The following STX8 variants were observed in gnomAD, a reference collection of about 807,000 sequenced individuals.
The protein encoded by STX8 is syntaxin 8.
Under a neutral mutation model 37.5 loss-of-function variants are expected in STX8, and 23 were observed. The ratio of observed to expected loss-of-function variants is 0.61; its 90% confidence interval spans 0.44 to 0.87. STX8 has a LOEUF of 0.87. Among genes scored for constraint, STX8 ranks in the 40% least tolerant of loss-of-function variants. STX8 has a pLI of 0.00. For missense variants in STX8, 313 were observed against 284.7 expected, an observed-to-expected ratio of 1.10 and a Z score of -0.71; for synonymous variants, 115 against 99.1, an observed-to-expected ratio of 1.16 and a Z score of -0.95.
chr17:9,434,440 A>G (rs8075395), intron 6 of STX8, among the ~76,000 whole-genome samples: 35,193 of 152,244 alleles, frequency 0.23, 4,242 homozygotes, highest in Middle Eastern at 0.31. Context: ...ACAGAGTGGA[A>G]CACTAAAGGA....
rs550604381 is a variant in STX8, at chr17:9,508,236, C to T, written c.324-3074G>A. 7.9e-5 allele frequency among the ~76,000 whole-genome samples: 12 copies of T among 152,142 alleles called. No homozygotes were observed. In the South Asian group the frequency reaches 8.3e-4, roughly 11 times the overall value. On this transcript the variant is annotated intron_variant, in intron 4 of 7. Coordinates refer to ENST00000306357, the MANE Select transcript of STX8 (RefSeq NM_004853.3). ...AGAAGATAAATACCATAAAAAAGAACAAAACAGGTATCCTGGAGTGGAAGA... is the reference window on the plus strand; with the variant it reads ...AGAAGATAAATACCATAAAAAAGAATAAAACAGGTATCCTGGAGTGGAAGA...
chr17:9,289,102 G>A (rs797006579), intron 7 of STX8, among the ~76,000 whole-genome samples: 32 of 152,268 alleles, frequency 2.1e-4, no homozygotes, highest in African/African-American at 6.3e-4. Context: ...TGGCAATACC[G>A]GAAGCTAGTA....
chr17:9,319,128 A>T (rs969078461), intron 7 of STX8, among the ~76,000 whole-genome samples: 2 of 152,210 alleles, frequency 1.3e-5, no homozygotes, highest in East Asian at 1.9e-4. Flanking sequence ...TTGATATATT[A>T]AAAAATTACC....
At chr17:9,253,208 GT>G (rs1906656244) in intron 7 of STX8, among the ~76,000 whole-genome samples, 3 of 10,286 alleles carry the variant, frequency 2.9e-4, no homozygotes, top group African/African-American at 7.8e-4. Flanking sequence ...AGGGGTAGGG[GT>G]GTGTGTGTGT....
In STX8 at chr17:9,351,072, T is replaced by C. The variant is rs183211344; in HGVS notation, c.643+27480A>G. 3.9e-5 allele frequency among the ~76,000 whole-genome samples: 6 copies of C among 152,090 alleles called. No homozygotes were observed. The South Asian group carries it at 6.2e-4, about 16-fold the overall frequency. ...CAACCTGACAGAAAAGCCGAAAAGA[T>C]AGTATAATGAACATCTATATAGGCC... On this transcript the variant is annotated intron_variant, in intron 7 of 7. Transcript: ENST00000306357.
chr17:9,368,629 A>G (rs905116342), intron 7 of STX8, among the ~76,000 whole-genome samples: 2 of 151,852 alleles, frequency 1.3e-5, no homozygotes, highest in African/African-American at 4.8e-5. Context: ...TCTAACCAAC[A>G]CTGCACATGC....
chr17:9,408,294 A>C (rs1807546303), intron 6 of STX8, among the ~76,000 whole-genome samples: 1 of 152,216 alleles, frequency 6.6e-6, no homozygotes, highest in Non-Finnish European at 1.5e-5. Flanking sequence ...GAAGGGTGTA[A>C]GCGTTGGTCA....
chr17:9,430,504 C>G (rs539886528), intron 6 of STX8, among the ~76,000 whole-genome samples: 5 of 152,002 alleles, frequency 3.3e-5, no homozygotes, highest in Non-Finnish European at 7.4e-5. Flanking sequence ...GCTTATTTCA[C>G]TGAATGTCTT....
intron 7 of STX8, among the ~76,000 whole-genome samples, chr17:9,315,749 C>T (rs111905245): frequency 1.8e-4 from 27 of 152,200 alleles, no homozygotes; most frequent in South Asian, 1.5e-3. Context: ...TGGTGGCTCA[C>T]GCCTGTAATC....
At chr17:9,376,370 T>C (rs577912373) in intron 7 of STX8, among the ~76,000 whole-genome samples, 1 of 152,112 alleles carries the variant, frequency 6.6e-6, no homozygotes, top group Non-Finnish European at 1.5e-5. Context: ...GCTCTGTGTC[T>C]AGCTTAAGGT....
chr17:9,493,823 C>T (rs1439400907), intron 5 of STX8, among the ~76,000 whole-genome samples: 1 of 152,130 alleles, frequency 6.6e-6, no homozygotes, highest in Non-Finnish European at 1.5e-5. Flanking sequence ...CTCTCCTGAT[C>T]AGACCCATAG....
At chr17:9,514,961 T>G (rs1813591009) in intron 4 of STX8, among the ~76,000 whole-genome samples, 1 of 152,176 alleles carries the variant, frequency 6.6e-6, no homozygotes, top group South Asian at 2.1e-4. Context: ...AGAAAGTAGC[T>G]GGAGGATTCA....
At chr17:9,308,989 C>CT (rs1052825451) in intron 7 of STX8, among the ~76,000 whole-genome samples, 67 of 149,956 alleles carry the variant, frequency 4.5e-4, no homozygotes, top group Admixed American at 2.7e-3. Flanking sequence ...GCCTAGTTTT[C>CT]TTTTTTTTTC....
At chr17:9,452,155 T>C (rs1905062084) in intron 6 of STX8, 1 of 152,004 alleles carries the variant, frequency 6.6e-6, no homozygotes, top group Non-Finnish European at 1.5e-5. Context: ...TCTTTGACTT[T>C]TTTTTTTCTG....
chr17:9,465,786 T>C (rs778920545), intron 6 of STX8, among the ~76,000 whole-genome samples: 3 of 152,134 alleles, frequency 2.0e-5, no homozygotes, highest in Non-Finnish European at 4.4e-5. Flanking sequence ...GAGCCCTGCA[T>C]ATACGCGATC....
chr17:9,306,737 C>A (rs1303634481), intron 7 of STX8, among the ~76,000 whole-genome samples: 2 of 151,714 alleles, frequency 1.3e-5, no homozygotes, highest in Non-Finnish European at 2.9e-5. Context: ...TACACTCACG[C>A]CTGGGCAACC....
intron 3 of STX8, chr17:9,556,820 T>TATATATATATATATATATATA (rs1491244007): frequency 7.0e-6 from 1 of 143,344 alleles, no homozygotes; most frequent in Non-Finnish European, 1.5e-5. Context: ...TATATATATA[T>TATATATATATATATATATATA]TTTAACACTT....
At chr17:9,428,080 T>C (rs555107827) in intron 6 of STX8, among the ~76,000 whole-genome samples, 87 of 152,264 alleles carry the variant, frequency 5.7e-4, no homozygotes, top group Admixed American at 1.6e-3. Context: ...TCCTCAGAGT[T>C]CTCACCTGGT....
chr17:9,411,326 T>C (rs1912971322), intron 6 of STX8, among the ~76,000 whole-genome samples: 1 of 152,188 alleles, frequency 6.6e-6, no homozygotes, highest in Non-Finnish European at 1.5e-5. Context: ...GCTTCCCCAC[T>C]TGGGAGCTGC....
Sources: allele counts gnomAD v4.1 joint callset (sites outside exome capture counted in the v4.1 genomes callset), GRCh38; gene constraint gnomAD v4.1.1; transcripts MANE v1.5; gene names NCBI Gene and HGNC (gene_info 2026-07-23, HGNC 2026-07-21).